The following ZDHHC2 variants were observed in gnomAD, a reference collection of about 807,000 sequenced individuals.
ZDHHC2 encodes zDHHC palmitoyltransferase 2, also known as palmitoyltransferase ZDHHC2.
A neutral mutation model predicts 55.6 loss-of-function variants in ZDHHC2; 51 were observed. The ratio of observed to expected loss-of-function variants is 0.92; its 90% CI spans 0.73 to 1.16. The LOEUF is 1.16. ZDHHC2 is among the 50% of genes most tolerant of loss of function. ZDHHC2 has a pLI of 0.00. For missense variants in ZDHHC2, 491 were observed against 442.4 expected (o/e 1.11, Z -0.99); for synonymous variants, 199 against 152.9 (o/e 1.30, Z -2.22).
intron 6 of ZDHHC2, among the ~76,000 whole-genome samples, chr8:17,199,780 G>A (rs1307157592): frequency 8.5e-6 from 1 of 117,328 alleles, no homozygotes. Flanking sequence ...TTTTTTTTGA[G>A]ACAGAGTCTC....
At chr8:17,212,930 A>G (rs1807456968) in intron 10 of ZDHHC2, among the ~76,000 whole-genome samples, 1 of 152,036 alleles carries the variant, frequency 6.6e-6, no homozygotes, top group African/African-American at 2.4e-5. Context: ...TTTTGTGATC[A>G]TAGCTCACTG....
At chr8:17,169,740 C>T (rs1443654094) in intron 1 of ZDHHC2, among the ~76,000 whole-genome samples, 8 of 152,074 alleles carry the variant, frequency 5.3e-5, no homozygotes, top group Non-Finnish European at 8.8e-5. Context: ...AGCATAAATC[C>T]ATACATAAAA....
chr8:17,190,497 G>T lies in ZDHHC2; in HGVS notation c.252+4072G>T, dbSNP rs531271525. 5.9e-5 allele frequency among the ~76,000 whole-genome samples: 9 copies of T among 152,176 alleles called. No individual in the cohort carries two copies. The East Asian group carries it at 9.6e-4, about 16-fold the overall frequency. ...AGAGACCTCTCGCTTGTAAAATGAG[G>T]ATCCTGAACTGAAAACATGTGAATT... On this transcript the variant is annotated intron_variant, in intron 3 of 12. Coordinates refer to ENST00000262096, the MANE Select transcript of ZDHHC2 (RefSeq NM_016353.5).
At chr8:17,196,413 G>A (rs890736728) in intron 4 of ZDHHC2, among the ~76,000 whole-genome samples, 2 of 152,098 alleles carry the variant, frequency 1.3e-5, no homozygotes, top group Admixed American at 6.6e-5. Context: ...TTAATGAACA[G>A]ACACAGTGGC....
At position 17,209,956 on chromosome 8, in the gene ZDHHC2, G is replaced by A. The variant is rs1378943194; in HGVS notation, c.755G>A (p.Arg252Gln). 1.9e-6 allele frequency: 3 copies of A among 1,609,184 alleles called. No individual in the cohort carries two copies. Among genetic ancestry groups the A allele is most frequent in the Admixed American group, 1.7e-5 (1 of 59,358 alleles). The part of the protein sequence containing the change: ...TLEAFRSPVF[R>Q]HGTDKNGFSL... ...GAGGCATTCAGAAGTCCAGTATTTCGACATGGAACAGATAAGAATGGATTC... is the reference window on the plus strand; with the variant it reads ...GAGGCATTCAGAAGTCCAGTATTTCAACATGGAACAGATAAGAATGGATTC... Residue 252 changes from arginine to glutamine, a missense_variant, in exon 9 of 13, where the codon CGA becomes CAA. Coordinates refer to ENST00000262096, the MANE Select transcript of ZDHHC2 (RefSeq NM_016353.5).
At chr8:17,183,715 C>T (rs1197250797) in intron 1 of ZDHHC2, among the ~76,000 whole-genome samples, 2 of 152,078 alleles carry the variant, frequency 1.3e-5, no homozygotes, top group South Asian at 2.1e-4. Context: ...TTGGAAGCCT[C>T]AGTATCACAG....
At position 17,199,596 on chromosome 8, in the gene ZDHHC2, T is replaced by G. The variant is rs1182970457; in HGVS notation, c.476+1183T>G. 6.1e-4 allele frequency among the ~76,000 whole-genome samples: 28 copies of G among 45,924 alleles called. 2 individuals carry two copies. Among genetic ancestry groups the G allele is most frequent in the South Asian group, 3.5e-3 (5 of 1,448 alleles). The allele number at this position is 45,924 out of a possible 152,430, so 30.1% of individuals were successfully genotyped here. Reference sequence around the variant, plus strand: ...TTTGTCTTCTTCTTCTTCTTTCTTCTTCTTTATTCTTTCTTCTTCTTCTTC... The same window carrying G: ...TTTGTCTTCTTCTTCTTCTTTCTTCGTCTTTATTCTTTCTTCTTCTTCTTC... On this transcript the variant is annotated intron_variant, in intron 6 of 12. Transcript: ENST00000262096.
At position 17,197,630 on chromosome 8, in the gene ZDHHC2, A is replaced by G; in HGVS notation, c.422A>G (p.His141Arg). The G allele has an allele frequency of 1.2e-6, 2 of 1,613,854 alleles. No homozygotes were observed. Among genetic ancestry groups the G allele is most frequent in the Non-Finnish European group, 1.7e-6 (2 of 1,179,778 alleles). Residue 141 changes from histidine (H) to arginine (R), a missense_variant, in exon 5 of 13, where the codon CAT becomes CGT. By Grantham distance (29) the His-to-Arg change is conservative (BLOSUM62 0). Transcript: ENST00000262096. ...RCQLIKPDRCHHCSVCDKCIL... is the reference protein window; with the variant it reads ...RCQLIKPDRCRHCSVCDKCIL... ...CAACTTATAAAACCAGATCGCTGCC[A>G]TCACTGCTCCGTCTGTGATAAGTAA...
chr8:17,205,967 C>G (rs1276913649), intron 7 of ZDHHC2, among the ~76,000 whole-genome samples, 192 bp downstream of exon 7: 1 of 152,190 alleles, frequency 6.6e-6, no homozygotes, highest in Non-Finnish European at 1.5e-5. Flanking sequence ...TCGATACTGA[C>G]AGCTTTCGTC....
chr8:17,211,150 T>C (rs535961706), intron 10 of ZDHHC2, among the ~76,000 whole-genome samples: 23 of 152,346 alleles, frequency 1.5e-4, no homozygotes, highest in African/African-American at 5.5e-4. Flanking sequence ...AAAGGAAAAG[T>C]TACTTAAACT....
Position 17,209,959 on chromosome 8 carries a change from A to G in ZDHHC2, c.758A>G (p.His253Arg), listed in dbSNP as rs775148018. The G allele has an allele frequency of 6.2e-7, 1 of 1,611,206 alleles. No homozygotes were observed. The highest frequency in any genetic ancestry group is 8.5e-7 in the Non-Finnish European group (1 of 1,178,642). ...LEAFRSPVFR[H>R]GTDKNGFSLG... is the part of the protein sequence containing the mutation. Reference sequence around the variant, plus strand: ...GCATTCAGAAGTCCAGTATTTCGACATGGAACAGATAAGAATGGATTCAGC... The same window carrying G: ...GCATTCAGAAGTCCAGTATTTCGACGTGGAACAGATAAGAATGGATTCAGC... The change falls in exon 9 of 13, where the codon CAT (histidine) becomes CGT (arginine). Residue 253 changes from histidine (H) to arginine (R), a missense_variant. His to Arg is a conservative substitution (Grantham distance 29). Transcript: ENST00000262096.
rs1354527242 is a variant in ZDHHC2, at chr8:17,209,808, C to A, written c.731-124C>A. On this transcript the variant is annotated intron_variant, in intron 8 of 12. Transcript: ENST00000262096. ...TCAGGGCTGTTGACAGGCACATAAG[C>A]CCTCACAGTCAGCTAGCCATTGATT... The A allele has an allele frequency of 7.1e-6, 8 of 1,131,168 alleles. No individual in the cohort carries two copies. The Admixed American group carries it at 2.3e-4, about 32-fold the overall frequency. The allele number at this position is 1,131,168 out of a possible 1,614,324, so 70.1% of individuals were successfully genotyped here.
intron 10 of ZDHHC2, 100 bp downstream of exon 10, chr8:17,210,580 GA>G: frequency 1.0e-6 from 1 of 959,148 alleles, no homozygotes; most frequent in Non-Finnish European, 1.5e-6. Context: ...AAGACCATAA[GA>G]AAATTTACTG....
At position 17,199,582 on chromosome 8, in the gene ZDHHC2, C is replaced by CTTTCTTCTTCT. The variant is rs766829785; in HGVS notation, c.476+1171_476+1172insTCTTCTTCTTT. On this transcript the variant is annotated intron_variant, in intron 6 of 12. Coordinates refer to ENST00000262096, the MANE Select transcript of ZDHHC2 (RefSeq NM_016353.5). ...TCGTCTTCTTCGTCTTTGTCTTCTT[C>CTTTCTTCTTCT]TTCTTCTTTCTTCTTCTTTATTCTT... 1.6e-4 allele frequency among the ~76,000 whole-genome samples: 11 copies of CTTTCTTCTTCT among 69,048 alleles called. 1 individual carries two copies. The East Asian group carries it at 1.6e-3, about 10-fold the overall frequency. The allele number at this position is 69,048 out of a possible 152,430, so 45.3% of individuals were successfully genotyped here.
In ZDHHC2 at chr8:17,224,596, GAAAA is replaced by G. The variant is rs376115400; in HGVS notation, c.*4381_*4384del. ...GATTGATAAAGGTGCTTAATCAATTGAAAAAAAAACGCATAATGCTTCAAGGTAA... is the reference window on the plus strand; with the variant it reads ...GATTGATAAAGGTGCTTAATCAATTGAAAAACGCATAATGCTTCAAGGTAA... On this transcript the variant is annotated 3_prime_UTR_variant, in exon 13 of 13. Transcript: ENST00000262096. 6.8e-6 allele frequency: 1 copy of G among 147,802 alleles called. No homozygotes were observed. The highest frequency in any genetic ancestry group is 1.5e-5 in the Non-Finnish European group (1 of 66,464). The allele number at this position is 147,802 out of a possible 1,614,324, so 9.2% of individuals were successfully genotyped here.
At chr8:17,205,153 C>T (rs1807037136) in intron 6 of ZDHHC2, among the ~76,000 whole-genome samples, 2 of 152,300 alleles carry the variant, frequency 1.3e-5, no homozygotes, top group East Asian at 1.9e-4. Context: ...AGGCCTACTT[C>T]TTTTCTTAAA....
At chr8:17,182,980 T>G (rs1805515160) in intron 1 of ZDHHC2, among the ~76,000 whole-genome samples, 1 of 152,212 alleles carries the variant, frequency 6.6e-6, no homozygotes, top group African/African-American at 2.4e-5. Context: ...CAGGCTGGTC[T>G]TGAACTCTTG....
At chr8:17,209,286 A>G (rs974260496) in intron 8 of ZDHHC2, among the ~76,000 whole-genome samples, 5 of 152,132 alleles carry the variant, frequency 3.3e-5, no homozygotes, top group African/African-American at 1.2e-4. Flanking sequence ...AGTAGATTTT[A>G]TAGTCAGCTG....
chr8:17,167,025 A>G (rs1170676396), intron 1 of ZDHHC2, among the ~76,000 whole-genome samples: 1 of 152,212 alleles, frequency 6.6e-6, no homozygotes, highest in Non-Finnish European at 1.5e-5. Context: ...TAATCTACAG[A>G]AAATTTCGTG....
Sources: allele counts gnomAD v4.1 joint callset (sites outside exome capture counted in the v4.1 genomes callset), GRCh38; gene constraint gnomAD v4.1.1; transcripts MANE v1.5; gene names NCBI Gene and HGNC (gene_info 2026-07-23, HGNC 2026-07-21).